Variants in SESTD1 observed in about 807,000 individuals in gnomAD.
The protein encoded by SESTD1 is SEC14 domain and spectrin repeat-containing protein 1.
SESTD1 carries 43 observed loss-of-function variants against 101.7 expected under a neutral mutation model. That is an observed-to-expected ratio of 0.42 (90% confidence interval 0.33 to 0.55). The LOEUF (loss-of-function observed/expected upper bound fraction) is 0.55, where lower values mean the gene tolerates loss of function less well. Among genes scored for constraint, SESTD1 ranks in the 20% least tolerant of loss-of-function variants. The pLI, the probability that SESTD1 is intolerant of heterozygous loss-of-function variation, is 0.07. For synonymous variants in SESTD1, 283 were observed against 286.8 expected (o/e 0.99, Z 0.13); for missense variants, 647 against 815.1 (o/e 0.79, Z 2.51).
chr2:179,178,462 T>C (rs776305934), intron 3 of SESTD1, among the ~76,000 whole-genome samples: 56 of 152,022 alleles, frequency 3.7e-4, no homozygotes, highest in Non-Finnish European at 7.5e-4. Context: ...AGACTCCATC[T>C]CTATTTAAAA....
chr2:179,258,479 C>T (rs1459569777), intron 1 of SESTD1, among the ~76,000 whole-genome samples: 2 of 152,212 alleles, frequency 1.3e-5, no homozygotes, highest in African/African-American at 2.4e-5. Flanking sequence ...GACAATATTA[C>T]TATCTTTCAA....
In SESTD1 at chr2:179,151,529, T is replaced by C. The variant is rs890372682; in HGVS notation, c.370-138A>G. The C allele has an allele frequency of 3.5e-5, 17 of 491,192 alleles. No individual in the cohort carries two copies. In the Admixed American group the frequency reaches 6.2e-4, roughly 18 times the overall value. The allele number at this position is 491,192 out of a possible 1,614,324, so 30.4% of individuals were successfully genotyped here. A position where few individuals can be genotyped will look rare whatever the true frequency, so the allele number is the denominator to read the frequency against. On this transcript the variant is annotated intron_variant, in intron 5 of 17. Coordinates refer to ENST00000428443, the MANE Select transcript of SESTD1 (RefSeq NM_178123.5). ...ACACATTATCATTTACTTAATACAA[T>C]ATTTAAAACCAATTCAATAAGTTAT...
chr2:179,243,936 A>G (rs115452203), intron 1 of SESTD1, among the ~76,000 whole-genome samples: 9,050 of 143,760 alleles, frequency 0.063, 353 homozygotes, highest in South Asian at 0.12. Context: ...ATATATATAT[A>G]TGTGTGTGTA....
intron 6 of SESTD1, among the ~76,000 whole-genome samples, chr2:179,150,068 A>T (rs2105449080): frequency 6.6e-6 from 1 of 152,234 alleles, no homozygotes. Context: ...TCTACAAAAA[A>T]TAAAACCTTC....
intron 1 of SESTD1, among the ~76,000 whole-genome samples, chr2:179,244,227 C>T (rs1212670284): frequency 6.6e-6 from 1 of 152,024 alleles, no homozygotes; most frequent in African/African-American, 2.4e-5. Context: ...GAGGCCAAGG[C>T]AGGTGAATTG....
intron 5 of SESTD1, among the ~76,000 whole-genome samples, chr2:179,160,238 C>CA (rs911539470): frequency 1.1e-4 from 16 of 152,266 alleles, no homozygotes; most frequent in Admixed American, 8.5e-4. Context: ...GATTCCCCCT[C>CA]AAAATCATAT....
intron 14 of SESTD1, among the ~76,000 whole-genome samples, chr2:179,117,002 C>CTGAAGA (rs1246478089): frequency 1.3e-5 from 2 of 152,096 alleles, no homozygotes; most frequent in Admixed American, 1.3e-4. Context: ...GCAAGACATA[C>CTGAAGA]TGAAGAAAAG....
chr2:179,244,458 C>CA (rs930445032), intron 1 of SESTD1, among the ~76,000 whole-genome samples: 11 of 126,894 alleles, frequency 8.7e-5, no homozygotes, highest in Admixed American at 3.9e-4. Context: ...GACTCTGTCT[C>CA]AAAAAAAACA....
chr2:179,156,504 A>G (rs1299917363), intron 5 of SESTD1, among the ~76,000 whole-genome samples: 1 of 152,030 alleles, frequency 6.6e-6, no homozygotes, highest in Non-Finnish European at 1.5e-5. Flanking sequence ...CTGTTTTTTG[A>G]TTATAGCCAT....
intron 3 of SESTD1, among the ~76,000 whole-genome samples, chr2:179,181,315 G>GT (rs1294936781): frequency 6.6e-6 from 1 of 152,008 alleles, no homozygotes; most frequent in African/African-American, 2.4e-5. Flanking sequence ...TGTGATTCCA[G>GT]TATACACAAA....
chr2:179,264,419 A>G, intron 1 of SESTD1, 80 bp downstream of exon 1: 1 of 150,652 alleles, frequency 6.6e-6, no homozygotes, highest in Non-Finnish European at 1.5e-5. Context: ...GCCGCCGCCG[A>G]CTGCACCGGC....
intron 2 of SESTD1, among the ~76,000 whole-genome samples, chr2:179,189,667 C>CA (rs1275885290): frequency 6.6e-6 from 1 of 152,100 alleles, no homozygotes; most frequent in Non-Finnish European, 1.5e-5. Flanking sequence ...TATACCTAGA[C>CA]AACCCTAAAG....
chr2:179,185,828 TATA>T (rs1270832272), intron 2 of SESTD1, among the ~76,000 whole-genome samples: 1 of 131,316 alleles, frequency 7.6e-6, no homozygotes, highest in East Asian at 2.2e-4. Flanking sequence ...GTATATTATA[TATA>T]ATATATAATA....
intron 1 of SESTD1, among the ~76,000 whole-genome samples, chr2:179,233,807 CGT>C (rs956086631): frequency 1.3e-5 from 2 of 151,998 alleles, no homozygotes; most frequent in African/African-American, 2.4e-5. Context: ...TGCATGCATG[CGT>C]GTGTGTGCAC....
chr2:179,197,763 A>G (rs2046426462), intron 1 of SESTD1, among the ~76,000 whole-genome samples: 1 of 152,164 alleles, frequency 6.6e-6, no homozygotes. Flanking sequence ...AAATGCTGAG[A>G]GATTTTGTCA....
chr2:179,218,269 A>C (rs2105523898), intron 1 of SESTD1, among the ~76,000 whole-genome samples: 1 of 151,536 alleles, frequency 6.6e-6, no homozygotes, highest in Admixed American at 6.6e-5. Flanking sequence ...CTAATATGAA[A>C]TAATAAAGAG....
chr2:179,191,420 G>A (rs770169026), intron 2 of SESTD1, among the ~76,000 whole-genome samples: 4 of 152,114 alleles, frequency 2.6e-5, no homozygotes, highest in Non-Finnish European at 5.9e-5. Flanking sequence ...AGACACTGGA[G>A]ACTACTGCAG....
intron 17 of SESTD1, among the ~76,000 whole-genome samples, chr2:179,111,721 T>TC (rs966432021): frequency 1.4e-5 from 2 of 146,718 alleles, no homozygotes; most frequent in African/African-American, 5.0e-5. Flanking sequence ...TCCTGATTCT[T>TC]TTTTTTTTTT....
rs1328499623 is a variant in SESTD1 at position 179,264,772 on chromosome 2, G to C, written c.-299C>G. The C allele has an allele frequency of 6.6e-6, 1 of 151,550 alleles. No individual in the cohort carries two copies. The highest frequency in any genetic ancestry group is 2.4e-5 in the African/African-American group (1 of 41,214). 9.4% of individuals were successfully genotyped at this position (151,550 alleles called of 1,614,324 possible). The stretch of plus-strand genomic sequence containing the variant: ...CCCGCGGCCCGAGCCGCGTCCGCGC[G>C]ACCCCGCGCGCGCCCGGGTGACGGC... On this transcript the variant is annotated 5_prime_UTR_variant, in exon 1 of 18. Coordinates refer to ENST00000428443, the MANE Select transcript of SESTD1 (RefSeq NM_178123.5).
Sources: allele counts gnomAD v4.1 joint callset (sites outside exome capture counted in the v4.1 genomes callset), GRCh38; gene constraint gnomAD v4.1.1; transcripts MANE v1.5; gene names NCBI Gene and HGNC (gene_info 2026-07-23, HGNC 2026-07-21).